The following PARP1 variants were observed in gnomAD, a reference collection of about 807,000 sequenced individuals.
PARP1 encodes the protein poly(ADP-ribose) polymerase 1, also known as poly [ADP-ribose] polymerase 1.
In PARP1, 44 loss-of-function variants were observed where a neutral mutation model predicts 118.7. The observed-to-expected ratio is 0.37, with a 90% CI of 0.29 to 0.48. The LOEUF is 0.48. Among genes scored for constraint, PARP1 ranks in the 20% least tolerant of loss-of-function variants. PARP1 has a pLI of 0.99. For synonymous variants in PARP1, 492 were observed against 483.2 expected (o/e 1.02, Z -0.24); for missense variants, 1,100 against 1,272.4 (o/e 0.86, Z 2.06).
In PARP1 at chr1:226,390,493, C is replaced by T. The variant is rs761742692; in HGVS notation, c.534G>A (p.Ala178=). Residue 178 remains alanine, a synonymous_variant, in exon 4 of 23, where the codon GCG becomes GCA. Coordinates refer to ENST00000366794, the MANE Select transcript of PARP1 (RefSeq NM_001618.4). ...EELGFRPEYS[A]SQLKGFSLLA... is the part of the protein sequence containing the mutation. ...GGAGGCTGAAGCCCTTGAGCTGACT[C>T]GCACTGTACTCGGGCCGGAAACCCA... The T allele has an allele frequency of 4.5e-5, 72 of 1,614,046 alleles. No individual in the cohort carries two copies. Among genetic ancestry groups the T allele is most frequent in the Non-Finnish European group, 5.4e-5 (64 of 1,180,032 alleles).
At chr1:226,380,189 A>C (rs752546877) in intron 9 of PARP1, 25 bp from the exon 10 acceptor site, 2 of 1,612,490 alleles carry the variant, frequency 1.2e-6, no homozygotes, top group East Asian at 2.2e-5. Context: ...AGGAAAAAAA[A>C]CCAAAATACA....
intron 3 of PARP1, among the ~76,000 whole-genome samples, chr1:226,391,728 C>T (rs1016663538): frequency 2.6e-5 from 4 of 152,150 alleles, no homozygotes; most frequent in Admixed American, 6.5e-5. Context: ...GAGAAGGCTG[C>T]GGGGCACAAG....
intron 14 of PARP1, chr1:226,371,165 A>G (rs996666034): frequency 1.9e-5 from 3 of 156,818 alleles, no homozygotes; most frequent in African/African-American, 7.2e-5. Context: ...AAGTGGGGCC[A>G]CCTTCCTTAA....
In PARP1 at chr1:226,401,436, G is replaced by T. The variant is rs114385995; in HGVS notation, c.286+778C>A. On this transcript the variant is annotated intron_variant, in intron 2 of 22. Coordinates refer to ENST00000366794, the MANE Select transcript of PARP1 (RefSeq NM_001618.4). Reference sequence around the variant, plus strand: ...ACTTTTAATTATATGCAAATTAAGGGGCAGACTATGCAGACATGTTAAGAA... The same window carrying T: ...ACTTTTAATTATATGCAAATTAAGGTGCAGACTATGCAGACATGTTAAGAA... 6.6e-3 allele frequency among the ~76,000 whole-genome samples: 1,001 copies of T among 152,322 alleles called. 14 individuals carry two copies. The highest frequency in any genetic ancestry group is 0.023 in the African/African-American group (951 of 41,558).
intron 14 of PARP1, among the ~76,000 whole-genome samples, chr1:226,373,095 G>T (rs1331370902): frequency 6.6e-6 from 1 of 152,190 alleles, no homozygotes; most frequent in South Asian, 2.1e-4. Flanking sequence ...AGGGAGATAC[G>T]GGGTTGGCCC....
At chr1:226,405,152 G>C (rs1274869347) in intron 1 of PARP1, among the ~76,000 whole-genome samples, 1 of 147,262 alleles carries the variant, frequency 6.8e-6, no homozygotes, top group African/African-American at 2.4e-5. Context: ...CACCAGCTCA[G>C]TCTACCAGAC....
intron 2 of PARP1, among the ~76,000 whole-genome samples, chr1:226,398,768 T>C (rs548926157): frequency 6.6e-6 from 1 of 152,216 alleles, no homozygotes; most frequent in African/African-American, 2.4e-5. Flanking sequence ...CTGGTGGGAA[T>C]GGAAAATGAT....
intron 14 of PARP1, among the ~76,000 whole-genome samples, chr1:226,371,549 C>A (rs1216060297): frequency 6.6e-6 from 1 of 152,222 alleles, no homozygotes; most frequent in Non-Finnish European, 1.5e-5. Context: ...CTGCAAACTC[C>A]ATCCTAAGGG....
Position 226,386,364 on chromosome 1 carries a change from T to C in PARP1, c.796A>G (p.Ile266Val). 1 of 1,613,676 alleles carries C rather than the reference T, an allele frequency of 6.2e-7. No individual in the cohort carries two copies. The highest frequency in any genetic ancestry group is 8.5e-7 in the Non-Finnish European group (1 of 1,179,534). ...GAAGGCACTTGCTGCTTGTTGAAGA[T>C]GAGTAGCTCCTTCAGGTCATTAGTT... is the stretch of plus-strand genomic sequence containing the variant. ...CSTNDLKELLIFNKQQVPSGE... is the reference protein window; with the variant it reads ...CSTNDLKELLVFNKQQVPSGE... The change falls in exon 6 of 23, where the codon ATC (isoleucine) becomes GTC (valine). Residue 266 changes from isoleucine (I) to valine (V), a missense_variant. Coordinates refer to ENST00000366794, the MANE Select transcript of PARP1 (RefSeq NM_001618.4).
chr1:226,370,832 C>G (rs1242068398), intron 14 of PARP1: 1 of 390,972 alleles, frequency 2.6e-6, no homozygotes, highest in Middle Eastern at 7.8e-4. Flanking sequence ...CCATCCAATT[C>G]TGATGTGCAG....
chr1:226,387,226 G>A (rs1386823258), intron 5 of PARP1, among the ~76,000 whole-genome samples: 6 of 152,090 alleles, frequency 3.9e-5, no homozygotes, highest in Non-Finnish European at 8.8e-5. Flanking sequence ...CAAGTGATCC[G>A]CCTGCCTCGG....
rs1214912609 is a variant in PARP1 at position 226,381,164 on chromosome 1, A to G, written c.1204T>C (p.Ser402Pro). ...GCCTTCACTTCATCCTTGTTCCGGG[A>G]CAGCTTCCCGAGAGTCAGGATCTTC... The part of the protein sequence containing the change: ...NMKILTLGKL[S>P]RNKDEVKAMI... The change falls in exon 9 of 23, where the codon TCC becomes CCC. Residue 402 changes from serine to proline, a missense_variant. Around this residue, in one of 2 missense-constraint regions of PARP1, gnomAD observed 948 missense variants for 1,031.8 expected, o/e 0.92. Transcript: ENST00000366794. The G allele has an allele frequency of 1.2e-6, 2 of 1,614,032 alleles. No homozygotes were observed. Among genetic ancestry groups the G allele is most frequent in the Admixed American group, 1.7e-5 (1 of 60,014 alleles).
At chr1:226,369,308 T>G (rs892052648) in intron 15 of PARP1, among the ~76,000 whole-genome samples, 5 of 152,218 alleles carry the variant, frequency 3.3e-5, no homozygotes, top group African/African-American at 1.2e-4. Flanking sequence ...TGTGCTTTCC[T>G]TCTTTCTACA....
intron 13 of PARP1, among the ~76,000 whole-genome samples, chr1:226,375,407 G>T (rs1664468741): frequency 6.6e-6 from 1 of 152,162 alleles, no homozygotes; most frequent in South Asian, 2.1e-4. Context: ...TAAATGCCCA[G>T]AATCAATCTA....
At position 226,370,447 on chromosome 1, in the gene PARP1, C is replaced by T; in HGVS notation, c.2141G>A (p.Ser714Asn). The T allele has an allele frequency of 8.7e-6, 14 of 1,613,962 alleles. No individual in the cohort carries two copies. The highest frequency in any genetic ancestry group is 1.2e-5 in the Non-Finnish European group (14 of 1,179,848). ...CCCTGTGCTTACCTGCTGGACCTCA[C>T]TGAGGATGGAGTATGCGGCCTGGAT... is the stretch of plus-strand genomic sequence containing the variant. ...RQIQAAYSIL[S>N]EVQQAVSQGS... The change falls in exon 15 of 23, where the codon AGT (serine) becomes AAT (asparagine). Residue 714 changes from serine to asparagine, a missense_variant. Around this residue, in one of 2 missense-constraint regions of PARP1, gnomAD observed 948 missense variants for 1,031.8 expected, o/e 0.92. Coordinates refer to ENST00000366794, the MANE Select transcript of PARP1 (RefSeq NM_001618.4).
chr1:226,380,159 C>T lies in PARP1; in HGVS notation c.1306G>A (p.Val436Met), dbSNP rs1664577046. The T allele has an allele frequency of 6.2e-7, 1 of 1,614,004 alleles. No individual in the cohort carries two copies. Among genetic ancestry groups the T allele is most frequent in the African/African-American group, 1.3e-5 (1 of 74,928 alleles). ...TCCATCTTCTTATTCATCTTTTCCA[C>T]CTCCTCTGTTCAAATTGAAAGGAAA... ...ASLCISTKKE[V>M]EKMNKKMEEV... is the part of the protein sequence containing the mutation. Residue 436 changes from valine (V) to methionine (M), a missense_variant, in exon 10 of 23, where the codon GTG becomes ATG. By Grantham distance (21) the Val-to-Met change is conservative. Transcript: ENST00000366794.
chr1:226,393,236 G>A (rs1450967750), intron 2 of PARP1, among the ~76,000 whole-genome samples: 6 of 152,130 alleles, frequency 3.9e-5, no homozygotes, highest in Admixed American at 2.0e-4. Context: ...TTTAAACAGC[G>A]TTAAGATACA....
At position 226,389,544 on chromosome 1, in the gene PARP1, G is replaced by A. The variant is rs561273866; in HGVS notation, c.618-789C>T. 5.9e-5 allele frequency among the ~76,000 whole-genome samples: 9 copies of A among 152,304 alleles called. No individual in the cohort carries two copies. The South Asian group carries it at 1.9e-3, about 32-fold the overall frequency. ...GGGCTTCATATAGTGTCTGGCATAC[G>A]AAATGTGCTCAACACATTCTGGCAG... On this transcript the variant is annotated intron_variant, in intron 4 of 22. Coordinates refer to ENST00000366794, the MANE Select transcript of PARP1 (RefSeq NM_001618.4).
chr1:226,386,553 G>C, intron 5 of PARP1, 111 bp from the exon 6 acceptor site: 1 of 796,878 alleles, frequency 1.3e-6, no homozygotes, highest in African/African-American at 1.7e-5. Flanking sequence ...GTGCACCAGC[G>C]AGCTGCCCCT....
Sources: gnomAD v4.1 joint callset for allele counts (sites outside exome capture counted in the v4.1 genomes callset) on GRCh38, gnomAD v4.1.1 for gene constraint, gnomAD v4.1.1 regional missense constraint, MANE v1.5 for transcripts, NCBI Gene and HGNC (gene_info 2026-07-23, HGNC 2026-07-21) for gene names.